The following PIK3C2B variants were observed in gnomAD, a reference collection of about 807,000 sequenced individuals.
PIK3C2B encodes phosphatidylinositol 4-phosphate 3-kinase C2 domain-containing subunit beta.
PIK3C2B carries 83 observed loss-of-function variants against 184.3 expected under a neutral mutation model. That is an observed-to-expected ratio of 0.45 (90% CI 0.38 to 0.54). The LOEUF (loss-of-function observed/expected upper bound fraction) is 0.54. Ranked by LOEUF, PIK3C2B falls within the 20% of genes least tolerant of loss-of-function variation. PIK3C2B has a pLI of 0.00. For missense variants in PIK3C2B, 1,736 were observed against 2,113.5 expected, an observed-to-expected ratio of 0.82 and a Z score of 3.50; for synonymous variants, 779 against 837.6, an observed-to-expected ratio of 0.93 and a Z score of 1.21.
rs775339744 is a variant in PIK3C2B, at chr1:204,447,426, CG to C, written c.2489+9del. ...AAACATGACAGATTCAGTGGGGGCC[CG>C]GGTCTCACCAGTACAAGGACTCTTT... On this transcript the variant is annotated intron_variant, in intron 15 of 32. Transcript: ENST00000684373. This position sits in a 1 kb window ranked among gnomAD's most constrained non-coding sequence, Gnocchi z 4.1. 1.2e-6 allele frequency: 2 copies of C among 1,610,532 alleles called. No homozygotes were observed.
At chr1:204,445,601 CAAAAAAA>C (rs11287807) in intron 16 of PIK3C2B, among the ~76,000 whole-genome samples, 1 of 121,620 alleles carries the variant, frequency 8.2e-6, no homozygotes, top group Non-Finnish European at 1.6e-5. Context: ...GACCCTGTCT[CAAAAAAA>C]AAAAAAAAAG....
intron 28 of PIK3C2B, among the ~76,000 whole-genome samples, chr1:204,430,503 A>G (rs111723317): frequency 0.14 from 21,516 of 151,248 alleles, 2,019 homozygotes; most frequent in African/African-American, 0.26. Context: ...ACACCACCGC[A>G]CCCAGCTAAT....
Position 204,447,593 on chromosome 1 carries a change from C to A in PIK3C2B, c.2347-15G>T. 6.3e-7 allele frequency: 1 copy of A among 1,597,732 alleles called. No individual in the cohort carries two copies. Among genetic ancestry groups the A allele is most frequent in the Admixed American group, 1.7e-5 (1 of 59,904 alleles). Reference sequence around the variant, plus strand: ...GGGAAGTCAATCTGGGGGATGAGATCAGGGATGTGAGGAGAGAAAACAGGC... The same window carrying A: ...GGGAAGTCAATCTGGGGGATGAGATAAGGGATGTGAGGAGAGAAAACAGGC... On this transcript the variant is annotated splice_polypyrimidine_tract_variant and intron_variant, in intron 14 of 32. Transcript: ENST00000684373. This position sits in a 1 kb window ranked among gnomAD's most constrained non-coding sequence, Gnocchi z 4.1.
chr1:204,437,155 T>A (rs1410970852), intron 23 of PIK3C2B, among the ~76,000 whole-genome samples: 1 of 151,980 alleles, frequency 6.6e-6, no homozygotes, highest in East Asian at 1.9e-4. Flanking sequence ...TGCAATGCTA[T>A]CTGTTAGGAT....
At chr1:204,449,119 G>T in intron 14 of PIK3C2B, 66 bp downstream of exon 14, 1 of 1,146,210 alleles carries the variant, frequency 8.7e-7, no homozygotes, top group Non-Finnish European at 1.3e-6. Flanking sequence ...AAATCTCCAG[G>T]AGAAAAATGT....
intron 1 of PIK3C2B, among the ~76,000 whole-genome samples, chr1:204,479,719 G>T (rs574961637): frequency 1.3e-4 from 20 of 152,192 alleles, no homozygotes; most frequent in Non-Finnish European, 2.5e-4. Context: ...GAGGTCTTCT[G>T]CAAGGCCCAG....
chr1:204,474,980 CT>C (rs1182930492), intron 1 of PIK3C2B, among the ~76,000 whole-genome samples: 1 of 152,054 alleles, frequency 6.6e-6, no homozygotes, highest in Non-Finnish European at 1.5e-5. Flanking sequence ...CCTTTTCCTC[CT>C]TAATACTTCC....
chr1:204,432,443 AATT>A, intron 26 of PIK3C2B, 42 bp from the exon 27 acceptor site: 1 of 1,537,598 alleles, frequency 6.5e-7, no homozygotes, highest in Non-Finnish European at 9.0e-7. Context: ...CATGAACCCA[AATT>A]CCTGCTGCCT....
At chr1:204,431,914 A>G in intron 27 of PIK3C2B, 121 bp from the exon 28 acceptor site, 1 of 1,113,986 alleles carries the variant, frequency 9.0e-7, no homozygotes, top group Non-Finnish European at 1.4e-6. Context: ...GAAGGAAGAG[A>G]GCAAGAGTGG....
rs191973217 is a variant in PIK3C2B, at chr1:204,438,959, G to A, written c.3492C>T (p.Asn1164=). 1.2e-6 allele frequency: 2 copies of A among 1,613,946 alleles called. No individual in the cohort carries two copies. The highest frequency in any genetic ancestry group is 1.7e-5 in the Admixed American group (1 of 60,026). The change falls in exon 23 of 33, where the codon AAC becomes AAT. Residue 1164 remains asparagine, a synonymous_variant. Transcript: ENST00000684373. ...RPLADWLQKH[N]PGEDEYEKAV... The stretch of plus-strand genomic sequence containing the variant: ...CCTTCTCATACTCGTCCTCCCCAGG[G>A]TTGTGTTTCTGCAGCCAGTCTGCCA...
chr1:204,433,103 C>T lies in PIK3C2B; in HGVS notation c.3953+213G>A, dbSNP rs1431650650. Among the ~76,000 whole-genome samples, 2 of 152,210 alleles carry T rather than the reference C, an allele frequency of 1.3e-5. No homozygotes were observed. The highest frequency in any genetic ancestry group is 2.1e-4 in the South Asian group (1 of 4,828). On this transcript the variant is annotated intron_variant, in intron 26 of 32. Coordinates refer to ENST00000684373, the MANE Select transcript of PIK3C2B (RefSeq NM_001377334.1). This position sits in a 1 kb window ranked among gnomAD's most constrained non-coding sequence, Gnocchi z 5.0. ...CAATACCCTTGTGTGCAAAGGTTAG[C>T]ACCAAAACACAGATGGGAAACCAAG...
intron 1 of PIK3C2B, among the ~76,000 whole-genome samples, chr1:204,493,953 C>A (rs1658186131): frequency 6.6e-6 from 1 of 152,252 alleles, no homozygotes; most frequent in Non-Finnish European, 1.5e-5. Context: ...CCACAGAAGG[C>A]ACTAACCCCA....
intron 18 of PIK3C2B, 147 bp from the exon 19 acceptor site, chr1:204,443,744 T>C: frequency 1.4e-6 from 1 of 708,194 alleles, no homozygotes; most frequent in Non-Finnish European, 2.4e-6. Context: ...GTACGGCTCA[T>C]ATGGAGATGC....
rs1653540576 is a variant in PIK3C2B at position 204,443,318 on chromosome 1, A to C, written c.3048+99T>G. On this transcript the variant is annotated intron_variant, in intron 19 of 32. Transcript: ENST00000684373. ...AGCTGCTCCCCGCTCCAAAATCAAAAATCGTCACGTGGAATCTTGTTGTTC... is the reference window on the plus strand; with the variant it reads ...AGCTGCTCCCCGCTCCAAAATCAAACATCGTCACGTGGAATCTTGTTGTTC... The C allele has an allele frequency of 2.4e-6, 3 of 1,237,916 alleles. No individual in the cohort carries two copies. In the East Asian group the frequency reaches 7.5e-5, roughly 31 times the overall value. 76.7% of individuals were successfully genotyped at this position (1,237,916 alleles called of 1,614,324 possible). A position where few individuals can be genotyped will look rare whatever the true frequency, so the allele number is the denominator to read the frequency against.
Position 204,440,937 on chromosome 1 carries a change from C to T in PIK3C2B, c.3249+534G>A, listed in dbSNP as rs112268703. Among the ~76,000 whole-genome samples the T allele has an allele frequency of 7.6e-4, 116 of 152,182 alleles. 2 individuals carry two copies. Among genetic ancestry groups the T allele is most frequent in the Admixed American group, 1.5e-3 (23 of 15,278 alleles). ...CCATCAGGCCTTTTTTAAACTTGAA[C>T]GTTTAGACTTTGGATTTGGAACTTG... is the stretch of plus-strand genomic sequence containing the variant. On this transcript the variant is annotated intron_variant, in intron 21 of 32. Coordinates refer to ENST00000684373, the MANE Select transcript of PIK3C2B (RefSeq NM_001377334.1).
intron 8 of PIK3C2B, among the ~76,000 whole-genome samples, chr1:204,459,031 T>C (rs1558259962): frequency 6.6e-6 from 1 of 152,190 alleles, no homozygotes; most frequent in Non-Finnish European, 1.5e-5. Context: ...GTTTTGTTTT[T>C]TGAGATAGGG....
At chr1:204,492,063 C>T (rs1204086414) in intron 1 of PIK3C2B, among the ~76,000 whole-genome samples, 1 of 152,178 alleles carries the variant, frequency 6.6e-6, no homozygotes, top group Non-Finnish European at 1.5e-5. Context: ...GGTCCCAAAA[C>T]ATTCCCTACT....
chr1:204,466,659 G>A, intron 2 of PIK3C2B: 2 of 389,668 alleles, frequency 5.1e-6, no homozygotes, highest in South Asian at 2.1e-5. Flanking sequence ...AGAGACAGTG[G>A]GGGGAGGGAA....
chr1:204,492,797 G>C (rs190656673), intron 1 of PIK3C2B, among the ~76,000 whole-genome samples: 1 of 152,274 alleles, frequency 6.6e-6, no homozygotes, highest in Admixed American at 6.5e-5. Context: ...CTGAGAGCTT[G>C]ATCAGATTCA....
Sources: gnomAD v4.1 joint callset for allele counts (sites outside exome capture counted in the v4.1 genomes callset) on GRCh38, gnomAD v4.1.1 for gene constraint, Gnocchi (gnomAD v3.1) non-coding constraint, MANE v1.5 for transcripts, NCBI Gene and HGNC (gene_info 2026-07-23, HGNC 2026-07-21) for gene names.